Variants in ANKRD6 observed in about 807,000 individuals in gnomAD.
The protein encoded by ANKRD6 is ankyrin repeat domain 6.
ANKRD6 carries 56 observed loss-of-function variants against 82.3 expected under a neutral mutation model. That is an observed-to-expected ratio of 0.68 (90% CI 0.55 to 0.85). The LOEUF (loss-of-function observed/expected upper bound fraction) is 0.85, where lower values mean the gene tolerates loss of function less well. Ranked by LOEUF, ANKRD6 falls within the 40% of genes least tolerant of loss-of-function variation. The pLI is 0.00. For missense variants in ANKRD6, 852 were observed against 907.6 expected (o/e 0.94, Z 0.79); for synonymous variants, 347 against 352.1 (o/e 0.99, Z 0.16).
chr6:89,527,420 T>C (rs558155584), intron 1 of ANKRD6, among the ~76,000 whole-genome samples: 24 of 151,654 alleles, frequency 1.6e-4, no homozygotes, highest in Admixed American at 6.6e-4. Context: ...ATGGTGAAAC[T>C]CTGTCTCTAC....
intron 4 of ANKRD6, among the ~76,000 whole-genome samples, chr6:89,603,756 TG>T (rs1240635769): frequency 2.6e-5 from 4 of 151,252 alleles, no homozygotes; most frequent in Admixed American, 2.0e-4. Flanking sequence ...GAGGCTAAGG[TG>T]GGAGGATTGC....
chr6:89,574,507 A>G (rs1477407284), intron 2 of ANKRD6, among the ~76,000 whole-genome samples: 1 of 152,178 alleles, frequency 6.6e-6, no homozygotes, highest in African/African-American at 2.4e-5. Flanking sequence ...AATATTGATT[A>G]TTTTTTAACT....
At chr6:89,585,881 G>C (rs1326099468) in intron 2 of ANKRD6, among the ~76,000 whole-genome samples, 1 of 152,156 alleles carries the variant, frequency 6.6e-6, no homozygotes, top group Non-Finnish European at 1.5e-5. Flanking sequence ...CTCCAGCCTG[G>C]GTGACAGAGC....
intron 7 of ANKRD6, among the ~76,000 whole-genome samples, 152 bp downstream of exon 7, chr6:89,614,042 C>T (rs1800885399): frequency 6.6e-6 from 1 of 152,240 alleles, no homozygotes; most frequent in African/African-American, 2.4e-5. Flanking sequence ...ATGGGTGTCA[C>T]ACTGAGTTCT....
chr6:89,547,562 G>T (rs1010469945), intron 1 of ANKRD6, among the ~76,000 whole-genome samples: 4 of 152,176 alleles, frequency 2.6e-5, no homozygotes, highest in Non-Finnish European at 5.9e-5. Context: ...GCTTGGCAGC[G>T]CACCAGCGGG....
intron 1 of ANKRD6, among the ~76,000 whole-genome samples, chr6:89,506,575 A>G (rs1779891241): frequency 6.6e-6 from 1 of 152,168 alleles, no homozygotes. Flanking sequence ...TTGGCCTCCC[A>G]AAGTGCTGAG....
intron 5 of ANKRD6, among the ~76,000 whole-genome samples, chr6:89,606,340 C>T (rs1418749952): frequency 2.0e-5 from 3 of 152,106 alleles, no homozygotes; most frequent in African/African-American, 7.2e-5. Context: ...GTGAGAGGCC[C>T]CTGACTGCTG....
intron 1 of ANKRD6, among the ~76,000 whole-genome samples, chr6:89,518,693 A>G (rs1781527838): frequency 6.6e-6 from 1 of 152,174 alleles, no homozygotes; most frequent in South Asian, 2.1e-4. Flanking sequence ...AATGGGACCA[A>G]TGCTCAGAAA....
chr6:89,498,808 A>G (rs1033691094), intron 1 of ANKRD6, among the ~76,000 whole-genome samples: 2 of 152,206 alleles, frequency 1.3e-5, no homozygotes, highest in African/African-American at 4.8e-5. Flanking sequence ...AAGCTCCTGA[A>G]TAGCTTTGTG....
At chr6:89,436,644 G>C (rs1770671793) in intron 1 of ANKRD6, among the ~76,000 whole-genome samples, 1 of 152,208 alleles carries the variant, frequency 6.6e-6, no homozygotes, top group South Asian at 2.1e-4. Context: ...AAGTAGAATG[G>C]TAGTTACCAG....
intron 1 of ANKRD6, among the ~76,000 whole-genome samples, chr6:89,467,151 G>A (rs1774938390): frequency 6.6e-6 from 1 of 151,644 alleles, no homozygotes; most frequent in Non-Finnish European, 1.5e-5. Context: ...AGTCTAGCCT[G>A]GGCAACATAG....
intron 1 of ANKRD6, among the ~76,000 whole-genome samples, chr6:89,495,328 G>A (rs941735774): frequency 7.2e-5 from 11 of 152,202 alleles, no homozygotes; most frequent in African/African-American, 2.7e-4. Context: ...GGGAGCACTG[G>A]TCCAACTTCA....
chr6:89,617,197 G>C (rs1186837647), intron 8 of ANKRD6, among the ~76,000 whole-genome samples: 1 of 152,308 alleles, frequency 6.6e-6, no homozygotes, highest in South Asian at 2.1e-4. Flanking sequence ...TGGTTCAGCA[G>C]GGCCTGGAGG....
intron 14 of ANKRD6, among the ~76,000 whole-genome samples, chr6:89,627,927 G>T (rs1806252919): frequency 6.6e-6 from 1 of 152,208 alleles, no homozygotes; most frequent in African/African-American, 2.4e-5. Flanking sequence ...ACATGCTGGG[G>T]AAGATGCCAT....
chr6:89,622,040 C>G lies in ANKRD6; in HGVS notation c.897+14C>G, dbSNP rs764975440. The G allele has an allele frequency of 6.2e-7, 1 of 1,608,570 alleles. No individual in the cohort carries two copies. The highest frequency in any genetic ancestry group is 8.5e-7 in the Non-Finnish European group (1 of 1,177,346). On this transcript the variant is annotated intron_variant, in intron 10 of 15. Coordinates refer to ENST00000339746, the MANE Select transcript of ANKRD6 (RefSeq NM_001242809.2). ...GCCCAAAGCAAGGTGGGGGGCAGTC[C>G]TCCCGCCGTCCCCACATCCACCCAT...
intron 1 of ANKRD6, among the ~76,000 whole-genome samples, chr6:89,525,907 T>A (rs1295854163): frequency 6.6e-6 from 1 of 152,230 alleles, no homozygotes; most frequent in Non-Finnish European, 1.5e-5. Flanking sequence ...GTAAGTCCCA[T>A]TCTCTGTCCA....
chr6:89,483,610 A>C (rs1289528103), intron 1 of ANKRD6: 1 of 152,232 alleles, frequency 6.6e-6, no homozygotes, highest in East Asian at 1.9e-4. Context: ...GGTTGTCGAC[A>C]GCAAGCTTCT....
intron 1 of ANKRD6, among the ~76,000 whole-genome samples, chr6:89,530,998 G>A (rs1783074058): frequency 6.6e-6 from 1 of 152,358 alleles, no homozygotes; most frequent in African/African-American, 2.4e-5. Context: ...TACGCATAAA[G>A]TGTAATCATG....
intron 1 of ANKRD6, among the ~76,000 whole-genome samples, chr6:89,450,800 C>T (rs1302320026): frequency 1.3e-5 from 2 of 151,982 alleles, no homozygotes; most frequent in East Asian, 1.9e-4. Flanking sequence ...CTGCACCTGG[C>T]CAATAAAGTA....
Sources: allele counts gnomAD v4.1 joint callset (sites outside exome capture counted in the v4.1 genomes callset), GRCh38; gene constraint gnomAD v4.1.1; transcripts MANE v1.5; gene names NCBI Gene and HGNC (gene_info 2026-07-23, HGNC 2026-07-21).